The following UQCRH variants were observed in gnomAD, a reference collection of about 807,000 sequenced individuals.
UQCRH encodes cytochrome b-c1 complex subunit 6, mitochondrial.
In UQCRH, 14 loss-of-function variants were observed where a neutral mutation model predicts 16.3. The observed-to-expected ratio is 0.86, with a 90% confidence interval of 0.57 to 1.34. UQCRH has a LOEUF of 1.34. Ranked by LOEUF, UQCRH falls within the 40% of genes most tolerant of loss-of-function variation. UQCRH has a pLI of 0.00. For missense variants in UQCRH, 89 were observed against 111.9 expected, an observed-to-expected ratio of 0.80 and a Z score of 0.92; for synonymous variants, 41 against 41.9, an observed-to-expected ratio of 0.98 and a Z score of 0.08.
chr1:46,308,993 A>C (rs1267720169), intron 1 of UQCRH, 108 bp from the exon 2 acceptor site: 3 of 1,285,934 alleles, frequency 2.3e-6, no homozygotes, highest in Non-Finnish European at 3.3e-6. Context: ...AAAACAAAAT[A>C]ACATCGTTAA....
Position 46,310,171 on chromosome 1 carries a change from T to C in UQCRH, c.98T>C (p.Val33Ala). 2 of 1,614,084 alleles carry C rather than the reference T, an allele frequency of 1.2e-6. No individual in the cohort carries two copies. Among genetic ancestry groups the C allele is most frequent in the Non-Finnish European group, 1.7e-6 (2 of 1,179,996 alleles). The change falls in exon 3 of 4, where the codon GTG (valine) becomes GCG (alanine). Residue 33 changes from valine to alanine, a missense_variant. Coordinates refer to ENST00000311672, the MANE Select transcript of UQCRH (RefSeq NM_006004.4). ...CTACATCAGGATCCCCTAACAACAG[T>C]GAGAGAGCAATGCGAGCAGTTGGAG... ...EEELVDPLTT[V>A]REQCEQLEKC...
At chr1:46,315,868 T>C (rs981511515) in intron 3 of UQCRH, among the ~76,000 whole-genome samples, 24 of 152,140 alleles carry the variant, frequency 1.6e-4, no homozygotes, top group Non-Finnish European at 3.1e-4. Context: ...CCCCTCCCAC[T>C]GTGTGGTCAT....
chr1:46,315,591 C>CAAAAA (rs35586591), intron 3 of UQCRH, among the ~76,000 whole-genome samples: 2 of 84,564 alleles, frequency 2.4e-5, no homozygotes, highest in South Asian at 3.8e-4. Context: ...AAGACTGCCT[C>CAAAAA]AAAAAAAAAA....
intron 3 of UQCRH, among the ~76,000 whole-genome samples, chr1:46,312,108 T>A (rs1012512963): frequency 1.1e-4 from 17 of 151,166 alleles, no homozygotes; most frequent in African/African-American, 2.4e-4. Flanking sequence ...TTTTTTTTTT[T>A]AATTTGAGAC....
At chr1:46,311,097 A>T (rs2148335774) in intron 3 of UQCRH, among the ~76,000 whole-genome samples, 1 of 151,646 alleles carries the variant, frequency 6.6e-6, no homozygotes, top group East Asian at 1.9e-4. Flanking sequence ...AAATAATAAT[A>T]ATAATAATCT....
intron 3 of UQCRH, among the ~76,000 whole-genome samples, chr1:46,314,530 G>A (rs1223422301): frequency 1.3e-5 from 2 of 151,886 alleles, no homozygotes; most frequent in African/African-American, 2.4e-5. Flanking sequence ...AATTGGCTGC[G>A]CATGGTGGTA....
chr1:46,307,950 G>T (rs2148333620), intron 1 of UQCRH, among the ~76,000 whole-genome samples: 1 of 152,324 alleles, frequency 6.6e-6, no homozygotes, highest in Admixed American at 6.5e-5. Flanking sequence ...AAATACTTTA[G>T]ATTATGTAGG....
chr1:46,312,265 TTTTG>T (rs973433199), intron 3 of UQCRH, among the ~76,000 whole-genome samples: 1 of 151,678 alleles, frequency 6.6e-6, no homozygotes, highest in Non-Finnish European at 1.5e-5. Context: ...CCAGCTAATT[TTTTG>T]TTTGTTTGTA....
chr1:46,316,773 C>A lies in UQCRH; in HGVS notation c.*189C>A. On this transcript the variant is annotated 3_prime_UTR_variant, in exon 4 of 4. Coordinates refer to ENST00000311672, the MANE Select transcript of UQCRH (RefSeq NM_006004.4). Reference sequence around the variant, plus strand: ...ATCTAAATAAAAGTTCTATGATCTGCAAACCTGCCCGTCTTTTTTTTTTAA... The same window carrying A: ...ATCTAAATAAAAGTTCTATGATCTGAAAACCTGCCCGTCTTTTTTTTTTAA... The A allele has an allele frequency of 1.4e-6, 1 of 696,676 alleles. No individual in the cohort carries two copies. The highest frequency in any genetic ancestry group is 2.2e-6 in the Non-Finnish European group (1 of 463,268). 43.2% of individuals were successfully genotyped at this position (696,676 alleles called of 1,614,324 possible). A position where few individuals can be genotyped will look rare whatever the true frequency, so the allele number is the denominator to read the frequency against.
intron 3 of UQCRH, among the ~76,000 whole-genome samples, chr1:46,313,357 G>T (rs1317371948): frequency 2.0e-5 from 3 of 152,124 alleles, no homozygotes; most frequent in Non-Finnish European, 4.4e-5. Context: ...AGCCGGGCGC[G>T]GTGGCTCACG....
At chr1:46,305,154 A>G (rs550467469) in intron 1 of UQCRH, among the ~76,000 whole-genome samples, 25 of 152,026 alleles carry the variant, frequency 1.6e-4, no homozygotes, top group African/African-American at 5.8e-4. Context: ...CGTCTCTACA[A>G]AAAATATAAA....
At chr1:46,310,724 G>C (rs575768881) in intron 3 of UQCRH, among the ~76,000 whole-genome samples, 7 of 152,134 alleles carry the variant, frequency 4.6e-5, no homozygotes, top group South Asian at 2.1e-4. Context: ...CTTCCATCTC[G>C]GCCCTCTGAA....
intron 1 of UQCRH, among the ~76,000 whole-genome samples, chr1:46,307,342 G>C (rs1171139007): frequency 1.3e-5 from 2 of 152,136 alleles, no homozygotes; most frequent in Non-Finnish European, 2.9e-5. Context: ...ACTATGCCCA[G>C]CCTGTTTTTA....
Position 46,303,739 on chromosome 1 carries a change from C to G in UQCRH, c.-28C>G, listed in dbSNP as rs775833967. 5 of 1,614,084 alleles carry G rather than the reference C, an allele frequency of 3.1e-6. No homozygotes were observed. Among genetic ancestry groups the G allele is most frequent in the East Asian group, 4.5e-5 (2 of 44,884 alleles). On this transcript the variant is annotated 5_prime_UTR_variant, in exon 1 of 4. Transcript: ENST00000311672. ...TGGGTTAGGTGCCGCTGTTGCTGCT[C>G]GTGTTGAATCTAGAACCGTAGCCAG...
chr1:46,313,029 A>G (rs1269327648), intron 3 of UQCRH, among the ~76,000 whole-genome samples: 2 of 152,188 alleles, frequency 1.3e-5, no homozygotes, highest in East Asian at 3.9e-4. Context: ...TGTGGAAAAC[A>G]TCTGGCAGTT....
intron 3 of UQCRH, among the ~76,000 whole-genome samples, chr1:46,314,821 C>A (rs1661550593): frequency 7.2e-6 from 1 of 139,366 alleles, no homozygotes; most frequent in Non-Finnish European, 1.6e-5. Flanking sequence ...TTCATAGAGA[C>A]AGAAAGTAGA....
chr1:46,311,329 AGG>A (rs1661469652), intron 3 of UQCRH, among the ~76,000 whole-genome samples: 1 of 137,426 alleles, frequency 7.3e-6, no homozygotes, highest in African/African-American at 3.2e-5. Flanking sequence ...TGGGAGGCGG[AGG>A]CGGAGGCGGA....
In UQCRH at chr1:46,314,235, G is replaced by A. The variant is rs544313060; in HGVS notation, c.244-2317G>A. On this transcript the variant is annotated intron_variant, in intron 3 of 3. Transcript: ENST00000311672. ...CAAAAGATTAGCCGGGCATGGTGGC[G>A]GGTGCTTGTAGAACCAGCTACTTGG... Among the ~76,000 whole-genome samples the A allele has an allele frequency of 4.6e-5, 7 of 151,980 alleles. No individual in the cohort carries two copies. The South Asian group carries it at 1.5e-3, about 32-fold the overall frequency.
chr1:46,311,341 AGGCG>A (rs1661470180), intron 3 of UQCRH, among the ~76,000 whole-genome samples: 3 of 145,492 alleles, frequency 2.1e-5, no homozygotes, highest in African/African-American at 8.1e-5. Flanking sequence ...GCGGAGGCGG[AGGCG>A]GAGGCGGGCG....
Sources: gnomAD v4.1 joint callset for allele counts (sites outside exome capture counted in the v4.1 genomes callset) on GRCh38, gnomAD v4.1.1 for gene constraint, MANE v1.5 for transcripts, NCBI Gene and HGNC (gene_info 2026-07-23, HGNC 2026-07-21) for gene names.